The following RFX8 variants were observed in gnomAD, a reference collection of about 807,000 sequenced individuals.
RFX8 encodes DNA-binding protein RFX8.
In RFX8, 46 loss-of-function variants were observed where a neutral mutation model predicts 54.6. The ratio of observed to expected loss-of-function variants is 0.84; its 90% CI spans 0.67 to 1.08. The LOEUF is 1.08. Ranked by LOEUF, RFX8 falls within the 50% of genes least tolerant of loss-of-function variation. RFX8 has a pLI of 0.00. For missense variants in RFX8, 536 were observed against 562.3 expected (o/e 0.95, Z 0.47); for synonymous variants, 192 against 209.5 (o/e 0.92, Z 0.72).
chr2:101,440,914 T>C (rs2148958176), intron 2 of RFX8, among the ~76,000 whole-genome samples: 1 of 152,236 alleles, frequency 6.6e-6, no homozygotes, highest in African/African-American at 2.4e-5. Flanking sequence ...TATCCTTATA[T>C]AAGGTCCTTG....
chr2:101,460,102 G>C (rs1293550974), intron 2 of RFX8, among the ~76,000 whole-genome samples: 1 of 152,244 alleles, frequency 6.6e-6, no homozygotes, highest in Non-Finnish European at 1.5e-5. Context: ...CTTGGGAGAA[G>C]TGCAGTATTT....
chr2:101,466,307 C>CA (rs1443102633), intron 2 of RFX8, among the ~76,000 whole-genome samples: 2 of 79,228 alleles, frequency 2.5e-5, no homozygotes, highest in Non-Finnish European at 2.7e-5. Context: ...AATTCTATCT[C>CA]GGAAAAAAAA....
At chr2:101,417,956 T>C (rs12468765) in intron 5 of RFX8, among the ~76,000 whole-genome samples, 1,585 of 152,292 alleles carry the variant, frequency 0.01, 76 homozygotes, top group Admixed American at 0.082. Flanking sequence ...AGTGGCATGA[T>C]CTCGGCTCAC....
chr2:101,418,877 T>TA lies in RFX8; in HGVS notation c.324dup (p.Lys109Ter). Reference sequence around the variant, plus strand: ...TTGTACAGCTGGACGTCGTAGCATTTAAAGAGCTGGCACACGTCAGGCAAT... The same window carrying TA: ...TTGTACAGCTGGACGTCGTAGCATTTAAAAGAGCTGGCACACGTCAGGCAAT... On this transcript the variant is annotated frameshift_variant, in exon 5 of 12. Coordinates refer to ENST00000428343, the MANE Select transcript of RFX8 (RefSeq NM_001145664.2). LOFTEE classifies it high-confidence loss of function. The TA allele has an allele frequency of 6.4e-7, 1 of 1,551,132 alleles. No individual in the cohort carries two copies. Among genetic ancestry groups the TA allele is most frequent in the Non-Finnish European group, 8.7e-7 (1 of 1,146,362 alleles).
chr2:101,463,337 G>T (rs983799074), intron 2 of RFX8, among the ~76,000 whole-genome samples: 1 of 152,188 alleles, frequency 6.6e-6, no homozygotes, highest in Non-Finnish European at 1.5e-5. Flanking sequence ...GTGTGGGAGG[G>T]GTGTGGGCCC....
intron 2 of RFX8, among the ~76,000 whole-genome samples, chr2:101,436,977 G>A (rs6732292): frequency 0.27 from 41,793 of 152,126 alleles, 6,125 homozygotes; most frequent in South Asian, 0.35. Flanking sequence ...GGGTGTCAGC[G>A]GAAGAAACCC....
intron 2 of RFX8, 133 bp downstream of exon 2, chr2:101,466,644 G>T (rs1183369224): frequency 2.8e-6 from 2 of 718,420 alleles, no homozygotes; most frequent in Non-Finnish European, 5.0e-6. Flanking sequence ...ATGTTGACCA[G>T]CTGGTGGGAA....
At chr2:101,451,226 T>C (rs910882223) in intron 2 of RFX8, among the ~76,000 whole-genome samples, 1 of 152,202 alleles carries the variant, frequency 6.6e-6, no homozygotes, top group Non-Finnish European at 1.5e-5. Flanking sequence ...ACACTTCCAC[T>C]GTCTTCAATT....
At chr2:101,404,618 G>A (rs1015294454) in intron 10 of RFX8, among the ~76,000 whole-genome samples, 1 of 151,632 alleles carries the variant, frequency 6.6e-6, no homozygotes, top group Non-Finnish European at 1.5e-5. Flanking sequence ...GTAGTGACAG[G>A]GTTTCACCAT....
rs1225199307 is a variant in RFX8 at position 101,397,404 on chromosome 2, G to C, written c.*144C>G. ...CATATTTTATCGAAACCACCTCCTT[G>C]AAATACATATAAACATAAAATAGAC... On this transcript the variant is annotated 3_prime_UTR_variant, in exon 12 of 12. Coordinates refer to ENST00000428343, the MANE Select transcript of RFX8 (RefSeq NM_001145664.2). 1 of 474,244 alleles carries C rather than the reference G, an allele frequency of 2.1e-6. No individual in the cohort carries two copies. The highest frequency in any genetic ancestry group is 2.0e-5 in the African/African-American group (1 of 49,672). 29.4% of individuals were successfully genotyped at this position (474,244 alleles called of 1,614,324 possible). A position where few individuals can be genotyped will look rare whatever the true frequency, so the allele number is the denominator to read the frequency against.
At chr2:101,436,154 AT>A (rs1293332662) in intron 2 of RFX8, among the ~76,000 whole-genome samples, 1 of 152,108 alleles carries the variant, frequency 6.6e-6, no homozygotes, top group Non-Finnish European at 1.5e-5. Flanking sequence ...GAATTTCTAA[AT>A]TTACAGGGCT....
At chr2:101,453,898 C>A (rs1047364908) in intron 2 of RFX8, among the ~76,000 whole-genome samples, 30 of 151,994 alleles carry the variant, frequency 2.0e-4, no homozygotes, top group Non-Finnish European at 1.0e-4. Flanking sequence ...GTCATTTTCA[C>A]TTTTTAAATT....
At chr2:101,418,814 C>T in intron 5 of RFX8, 37 bp downstream of exon 5, 1 of 1,346,284 alleles carries the variant, frequency 7.4e-7, no homozygotes, top group Non-Finnish European at 1.0e-6. Context: ...CCAATTTCTG[C>T]AAAGGATATA....
chr2:101,400,734 A>G (rs1448781384), intron 11 of RFX8, among the ~76,000 whole-genome samples: 1 of 152,200 alleles, frequency 6.6e-6, no homozygotes, highest in African/African-American at 2.4e-5. Context: ...CGGTGAGCGC[A>G]AAGAATTTGC....
At chr2:101,414,539 G>A (rs1686371113) in intron 7 of RFX8, among the ~76,000 whole-genome samples, 1 of 151,848 alleles carries the variant, frequency 6.6e-6, no homozygotes, top group African/African-American at 2.4e-5. Context: ...CTTCCAAAGT[G>A]CCGCGATTAC....
chr2:101,426,893 C>T (rs538876500), intron 2 of RFX8, among the ~76,000 whole-genome samples: 4 of 152,300 alleles, frequency 2.6e-5, no homozygotes, highest in Admixed American at 1.3e-4. Flanking sequence ...CAAATGTATC[C>T]TGTCACTCTC....
intron 11 of RFX8, among the ~76,000 whole-genome samples, chr2:101,398,557 GA>G (rs139455781): frequency 3.9e-5 from 6 of 152,020 alleles, no homozygotes; most frequent in African/African-American, 7.2e-5. Context: ...CTAAATGGGG[GA>G]AAAAACCTAT....
At chr2:101,401,598 C>A (rs1685449486) in intron 11 of RFX8, among the ~76,000 whole-genome samples, 1 of 152,156 alleles carries the variant, frequency 6.6e-6, no homozygotes, top group Admixed American at 6.5e-5. Context: ...GAGAAATTAG[C>A]CCTAAGACAA....
chr2:101,439,640 A>G (rs1687980949), intron 2 of RFX8, among the ~76,000 whole-genome samples: 1 of 145,890 alleles, frequency 6.9e-6, no homozygotes, highest in Non-Finnish European at 1.5e-5. Context: ...TTCCAGCACC[A>G]GTTGTTGAAA....
Sources: gnomAD v4.1 joint callset for allele counts (sites outside exome capture counted in the v4.1 genomes callset) on GRCh38, gnomAD v4.1.1 for gene constraint, MANE v1.5 for transcripts, NCBI Gene and HGNC (gene_info 2026-07-23, HGNC 2026-07-21) for gene names.